ENDOV: variants seen among roughly 807,000 people sequenced by gnomAD.
The protein encoded by ENDOV is hEndoV.
ENDOV carries 37 observed loss-of-function variants against 39.4 expected under a neutral mutation model. The observed-to-expected ratio is 0.94, with a 90% CI of 0.72 to 1.23. The LOEUF is 1.23. Ranked by LOEUF, ENDOV falls within the 50% of genes most tolerant of loss-of-function variation. The pLI is 0.00. For missense variants in ENDOV, 441 were observed against 375.7 expected, an observed-to-expected ratio of 1.17 and a Z score of -1.44; for synonymous variants, 186 against 163.4, an observed-to-expected ratio of 1.14 and a Z score of -1.05.
In ENDOV at chr17:80,415,202, TG is replaced by T; in HGVS notation, c.10del (p.Glu4ArgfsTer21). The T allele has an allele frequency of 6.2e-7, 1 of 1,613,154 alleles. No homozygotes were observed. The highest frequency in any genetic ancestry group is 1.1e-5 in the South Asian group (1 of 91,044). On this transcript the variant is annotated frameshift_variant, in exon 1 of 10. Coordinates refer to ENST00000518137, the MANE Select transcript of ENDOV (RefSeq NM_173627.5). LOFTEE classifies it high-confidence loss of function. MA[L>X]EAAGGPPEET... ...GGTGCCCGGGACGAAGCCATGGCCC[TG>T]GAGGCGGCGGGAGGGCCGCCGGAGG...
intron 2 of ENDOV, 162 bp downstream of exon 2, chr17:80,415,983 A>G (rs188029020): frequency 2.4e-6 from 2 of 829,748 alleles, no homozygotes; most frequent in African/African-American, 1.8e-5. Flanking sequence ...CACGCCTGCA[A>G]TCCCAGCACT....
chr17:80,422,951 G>A lies in ENDOV; in HGVS notation c.404-569G>A, dbSNP rs542720980. On this transcript the variant is annotated intron_variant, in intron 4 of 9. Coordinates refer to ENST00000518137, the MANE Select transcript of ENDOV (RefSeq NM_173627.5). ...CCTGACCTCGTGATCCGCCTGCCTC[G>A]GCCTCCCAAAGTGCTGGGATTTCAG... Among the ~76,000 whole-genome samples, 5 of 151,968 alleles carry A rather than the reference G, an allele frequency of 3.3e-5. No homozygotes were observed. The East Asian group carries it at 7.8e-4, about 24-fold the overall frequency.
intron 1 of ENDOV, 136 bp from the exon 2 acceptor site, chr17:80,415,514 C>A: frequency 8.3e-7 from 1 of 1,205,440 alleles, no homozygotes; most frequent in East Asian, 2.6e-5. Flanking sequence ...ACTGTGGCCT[C>A]GGCGGTATGT....
intron 2 of ENDOV, among the ~76,000 whole-genome samples, chr17:80,420,868 G>T (rs926812022): frequency 6.6e-6 from 1 of 152,206 alleles, no homozygotes; most frequent in Non-Finnish European, 1.5e-5. Context: ...GTAAACACGG[G>T]GTTTCTCCAT....
intron 7 of ENDOV, chr17:80,427,367 C>T: frequency 1.0e-6 from 1 of 960,454 alleles, no homozygotes; most frequent in Non-Finnish European, 1.2e-6. Flanking sequence ...CTTTTTCTGC[C>T]TCAGCGCGCC....
At chr17:80,429,445 C>T (rs890805822) in intron 8 of ENDOV, among the ~76,000 whole-genome samples, 2 of 152,206 alleles carry the variant, frequency 1.3e-5, no homozygotes, top group South Asian at 2.1e-4. Context: ...GCCCTGCCCT[C>T]GCCCACGATT....
rs1380939940 is a variant in ENDOV at position 80,428,676 on chromosome 17, G to A, written c.779+16G>A. On this transcript the variant is annotated intron_variant, in intron 8 of 9. Coordinates refer to ENST00000518137, the MANE Select transcript of ENDOV (RefSeq NM_173627.5). ...CCACACCGAGGTGAGCACCCAGGGAGGCTGGGGCACTAAAGGGGCATCTCA... is the reference window on the plus strand; with the variant it reads ...CCACACCGAGGTGAGCACCCAGGGAAGCTGGGGCACTAAAGGGGCATCTCA... The A allele has an allele frequency of 6.4e-7, 1 of 1,567,830 alleles. No homozygotes were observed. The highest frequency in any genetic ancestry group is 1.9e-5 in the Admixed American group (1 of 53,488).
intron 5 of ENDOV, chr17:80,424,453 C>T (rs112593921): frequency 2.7e-4 from 108 of 394,888 alleles, no homozygotes; most frequent in African/African-American, 1.8e-3. Flanking sequence ...CCTGGCACAG[C>T]GGCCCTGGGC....
chr17:80,421,184 G>A (rs564371543), intron 2 of ENDOV, among the ~76,000 whole-genome samples: 7 of 149,980 alleles, frequency 4.7e-5, no homozygotes, highest in East Asian at 2.0e-4. Flanking sequence ...ACCAGGTCCC[G>A]GAGGCTCCTC....
chr17:80,425,180 AC>A (rs1163010073), intron 6 of ENDOV, 80 bp downstream of exon 6: 22 of 1,238,402 alleles, frequency 1.8e-5, no homozygotes, highest in Non-Finnish European at 1.9e-5. Flanking sequence ...GCATGCAGAC[AC>A]GCGTGCACTC....
Position 80,421,884 on chromosome 17 carries a change from C to G in ENDOV, c.285C>G (p.Phe95Leu), listed in dbSNP as rs769500007. Residue 95 changes from phenylalanine to leucine, a missense_variant, in exon 3 of 10, where the codon TTC (phenylalanine) becomes TTG (leucine). Physicochemically the swap from Phe to Leu is conservative, Grantham distance 22. Transcript: ENST00000518137. The stretch of plus-strand genomic sequence containing the variant: ...TCACAGCCCCCTACGTGTCGGGCTT[C>G]CTGGCCTTCCGAGAGGTGCCCTTCT... Reference protein sequence around the residue: ...VSLTAPYVSGFLAFREVPFLL... With the variant: ...VSLTAPYVSGLLAFREVPFLL... 9.3e-6 allele frequency: 15 copies of G among 1,608,730 alleles called. No individual in the cohort carries two copies. The highest frequency in any genetic ancestry group is 3.3e-4 in the Middle Eastern group (2 of 6,036).
intron 9 of ENDOV, among the ~76,000 whole-genome samples, chr17:80,432,613 G>A (rs1430077354): frequency 6.6e-6 from 1 of 152,126 alleles, no homozygotes; most frequent in Non-Finnish European, 1.5e-5. Context: ...ACCGCTCTGG[G>A]GACCCCTCAT....
intron 9 of ENDOV, chr17:80,433,117 G>T (rs747152611): frequency 1.9e-6 from 1 of 520,102 alleles, no homozygotes; most frequent in Non-Finnish European, 3.8e-6. Flanking sequence ...AGAGCTCCGG[G>T]AGCACAGGTG....
rs998705058 is a variant in ENDOV at position 80,436,491 on chromosome 17, G to A, written c.*348G>A. 75 of 685,568 alleles carry A rather than the reference G, an allele frequency of 1.1e-4. No homozygotes were observed. The highest frequency in any genetic ancestry group is 1.2e-3 in the Middle Eastern group (2 of 1,676). 42.5% of individuals were successfully genotyped at this position (685,568 alleles called of 1,614,324 possible). A position where few individuals can be genotyped will look rare whatever the true frequency, so the allele number is the denominator to read the frequency against. On this transcript the variant is annotated 3_prime_UTR_variant, in exon 10 of 10. Transcript: ENST00000518137. ...AGTGTTTTTATCCTTAAAGGGTACT[G>A]GATTTTGTCAAATGCTTTTCTGGCC...
rs199849833 is a variant in ENDOV, at chr17:80,415,640, GTCC to G, written c.57-5_57-3del. On this transcript the variant is annotated splice_polypyrimidine_tract_variant and splice_region_variant and intron_variant, in intron 1 of 9. Transcript: ENST00000518137. ...GACCCCGACCAAGTTTGACGCTTCT[GTCC>G]TCCTAGGGAGCAAGCTCGGCTGAAG... The G allele has an allele frequency of 0.013, 21,467 of 1,610,994 alleles. 223 individuals are homozygous for G. Among genetic ancestry groups the G allele is most frequent in the Middle Eastern group, 0.036 (220 of 6,040 alleles).
chr17:80,424,996 G>T (rs779096746), intron 5 of ENDOV, 36 bp from the exon 6 acceptor site: 16 of 1,571,182 alleles, frequency 1.0e-5, no homozygotes, highest in Non-Finnish European at 5.2e-6. Flanking sequence ...CAAGAAGAGA[G>T]GGGTTTTTTT....
At chr17:80,426,583 C>G (rs41300754) in intron 7 of ENDOV, among the ~76,000 whole-genome samples, 1 of 152,158 alleles carries the variant, frequency 6.6e-6, no homozygotes, top group African/African-American at 2.4e-5. Context: ...CCCAGGAGGT[C>G]GAGGCTGTAG....
chr17:80,421,147 A>T (rs1287314091), intron 2 of ENDOV, among the ~76,000 whole-genome samples: 1 of 150,168 alleles, frequency 6.7e-6, no homozygotes, highest in Non-Finnish European at 1.5e-5. Context: ...GCTCCCGCGG[A>T]CCTGATCCCA....
intron 9 of ENDOV, among the ~76,000 whole-genome samples, chr17:80,433,591 T>C (rs1352985811): frequency 1.3e-5 from 2 of 152,212 alleles, no homozygotes; most frequent in Non-Finnish European, 2.9e-5. Flanking sequence ...CAGGGGAGCT[T>C]CCCAGGGGGC....
Sources: gnomAD v4.1 joint callset for allele counts (sites outside exome capture counted in the v4.1 genomes callset) on GRCh38, gnomAD v4.1.1 for gene constraint, MANE v1.5 for transcripts, NCBI Gene and HGNC (gene_info 2026-07-23, HGNC 2026-07-21) for gene names.